Variants in CLECL1 observed in about 807,000 individuals in gnomAD.
CLECL1 encodes C-type lectin-like domain family 1.
chr12:9,720,175 T>G (rs1866291837), downstream of CLECL1, among the ~76,000 whole-genome samples: 1 of 152,042 alleles, frequency 6.6e-6, no homozygotes, highest in African/African-American at 2.4e-5. Flanking sequence ...AGGAGCAGAT[T>G]TTGTGTCTTG....
downstream of CLECL1, among the ~76,000 whole-genome samples, chr12:9,720,753 A>T (rs1325333692): frequency 8.5e-5 from 13 of 152,116 alleles, no homozygotes; most frequent in Non-Finnish European, 2.9e-5. Flanking sequence ...GTTTGTAGAG[A>T]AATAGCCTGG....
chr12:9,725,218 T>C (rs1225139840), intron 3 of CLECL1, among the ~76,000 whole-genome samples: 1 of 152,138 alleles, frequency 6.6e-6, no homozygotes, highest in Non-Finnish European at 1.5e-5. Flanking sequence ...ACTTGAATAT[T>C]ATTCAAGGGA....
At chr12:9,727,923 AT>A (rs912034443) in intron 2 of CLECL1, among the ~76,000 whole-genome samples, 2 of 151,776 alleles carry the variant, frequency 1.3e-5, no homozygotes, top group African/African-American at 4.8e-5. Flanking sequence ...AAGCACTTGA[AT>A]TTTTTCCTGG....
At chr12:9,720,640 C>T (rs759294860), downstream of CLECL1, among the ~76,000 whole-genome samples, 7 of 152,114 alleles carry the variant, frequency 4.6e-5, 1 homozygote, top group East Asian at 1.9e-4. Context: ...CGCGCCCAGC[C>T]GCCACCTCTG....
chr12:9,702,795 T>C, the CLECL1 span, among the ~76,000 whole-genome samples: 5,609 of 152,328 alleles, frequency 0.037, 342 homozygotes, highest in African/African-American at 0.13. Flanking sequence ...TAGACATCTC[T>C]ACTCCTCTAG....
chr12:9,717,773 A>G (rs770314638), downstream of CLECL1, among the ~76,000 whole-genome samples: 42 of 152,078 alleles, frequency 2.8e-4, no homozygotes, highest in Non-Finnish European at 3.7e-4. Flanking sequence ...ATTCTACCCA[A>G]TCTTAACGAA....
At chr12:9,702,401 A>G in the CLECL1 span, among the ~76,000 whole-genome samples, 7 of 152,074 alleles carry the variant, frequency 4.6e-5, no homozygotes, top group Admixed American at 3.9e-4. Flanking sequence ...TCACTCTGCT[A>G]TTCCGCTGCT....
At chr12:9,707,041 T>C in the CLECL1 span, among the ~76,000 whole-genome samples, 2 of 152,190 alleles carry the variant, frequency 1.3e-5, no homozygotes, top group African/African-American at 4.8e-5. Context: ...GAACTCATGG[T>C]TGGTCTTTCA....
chr12:9,703,578 A>C, the CLECL1 span, among the ~76,000 whole-genome samples: 3 of 152,040 alleles, frequency 2.0e-5, no homozygotes, highest in Admixed American at 2.0e-4. Context: ...AATTTTTTGT[A>C]GAGACAGAGT....
chr12:9,726,789 G>A (rs1047947195), intron 3 of CLECL1, among the ~76,000 whole-genome samples: 1 of 151,766 alleles, frequency 6.6e-6, no homozygotes, highest in Non-Finnish European at 1.5e-5. Flanking sequence ...TGTGTCACAG[G>A]TATAAGGATT....
the CLECL1 span, among the ~76,000 whole-genome samples, chr12:9,707,470 A>G: frequency 2.0e-5 from 3 of 152,096 alleles, no homozygotes; most frequent in African/African-American, 7.2e-5. Flanking sequence ...TTTAAATGAT[A>G]TGCAGTGGGG....
At chr12:9,724,826 A>C (rs1353207406) in intron 3 of CLECL1, among the ~76,000 whole-genome samples, 1 of 152,186 alleles carries the variant, frequency 6.6e-6, no homozygotes, top group East Asian at 1.9e-4. Context: ...ATAAATTTAC[A>C]CTTTCAAGAA....
At chr12:9,732,192 A>C (rs1866455777) in intron 1 of CLECL1, among the ~76,000 whole-genome samples, 1 of 152,252 alleles carries the variant, frequency 6.6e-6, no homozygotes, top group Admixed American at 6.5e-5. Flanking sequence ...TAGCAGATTC[A>C]TTCCACAAGG....
chr12:9,733,348 A>G, upstream of CLECL1: 1 of 933,902 alleles, frequency 1.1e-6, no homozygotes. Context: ...AAGATATCTC[A>G]CCATTTTCTC....
downstream of CLECL1, chr12:9,718,595 G>A (rs1591715405): frequency 1.1e-5 from 6 of 540,792 alleles, no homozygotes; most frequent in South Asian, 7.6e-5. Flanking sequence ...ATCTCAGAAT[G>A]TGACTGTATA....
upstream of CLECL1, chr12:9,733,327 T>A: frequency 9.0e-7 from 1 of 1,115,180 alleles, no homozygotes; most frequent in Non-Finnish European, 1.3e-6. Flanking sequence ...TAACTTTTAT[T>A]AATACCACAG....
chr12:9,709,228 C>G, the CLECL1 span: 1 of 152,368 alleles, frequency 6.6e-6, no homozygotes, highest in East Asian at 1.9e-4. Context: ...AGGGGCAAGC[C>G]TAGAGAATTA....
At chr12:9,717,144 C>T (rs7961903) in intron 2 of CLECL1, among the ~76,000 whole-genome samples, 7,327 of 152,304 alleles carry the variant, frequency 0.048, 201 homozygotes, top group Non-Finnish European at 0.055. Context: ...GGTGCGGTGG[C>T]TCATGCCTGT....
upstream of CLECL1, chr12:9,733,188 C>A: frequency 6.2e-7 from 1 of 1,613,900 alleles, no homozygotes; most frequent in Middle Eastern, 1.7e-4. Flanking sequence ...AATGACAAAA[C>A]CAATGTGTTC....
Sources: allele counts gnomAD v4.1 joint callset (sites outside exome capture counted in the v4.1 genomes callset), GRCh38; gene constraint gnomAD v4.1.1; transcripts MANE v1.5; gene names NCBI Gene and HGNC (gene_info 2026-07-23, HGNC 2026-07-21).